The following NOP14 variants were observed in gnomAD, a reference collection of about 807,000 sequenced individuals.
The protein encoded by NOP14 is NOP14 nucleolar protein, also known as nucleolar protein 14.
A neutral mutation model predicts 101.6 loss-of-function variants in NOP14; 57 were observed. The ratio of observed to expected loss-of-function variants is 0.56; its 90% CI spans 0.45 to 0.70. The LOEUF (loss-of-function observed/expected upper bound fraction) is 0.70, where lower values mean the gene tolerates loss of function less well. Among genes scored for constraint, NOP14 ranks in the 30% least tolerant of loss-of-function variants. NOP14 has a pLI of 0.00. For synonymous variants in NOP14, 428 were observed against 424.0 expected (o/e 1.01, Z -0.12); for missense variants, 1,134 against 1,075.5 (o/e 1.05, Z -0.76).
intron 1 of NOP14, chr4:2,961,292 TATTAATATAGTTACTGATTTAAGAACTAC>T: frequency 6.7e-6 from 1 of 148,498 alleles, no homozygotes; most frequent in South Asian, 2.1e-4. Context: ...ATAGTAACTA[TATTAATATAGTTACTGATTTAAGAACTAC>T]ATTAATATAA....
chr4:2,942,199 G>C lies in NOP14; in HGVS notation c.2044C>G (p.His682Asp), dbSNP rs1330251515. The change falls in exon 14 of 18, where the codon CAC becomes GAC. Residue 682 changes from histidine to aspartate, a missense_variant. Transcript: ENST00000416614. ...LRAPTSTEAN[H>D]IRLSCLAVGL... ...CGGGGTCCCCTCACATACCGGATGT[G>C]ATTGGCCTCTGTCGAAGTTGGGGCC... The C allele has an allele frequency of 3.7e-6, 6 of 1,613,850 alleles. No homozygotes were observed. The African/African-American group carries it at 8.0e-5, about 22-fold the overall frequency.
rs1215326476 is a variant in NOP14 at position 2,945,858 on chromosome 4, C to T, written c.1635+554G>A. On this transcript the variant is annotated intron_variant, in intron 11 of 17. Transcript: ENST00000416614. ...CCAGAATCTCCCTGCACGACCCACACGTTAGTCCATGGCTAGTGGAGGAGT... is the reference window on the plus strand; with the variant it reads ...CCAGAATCTCCCTGCACGACCCACATGTTAGTCCATGGCTAGTGGAGGAGT... Among the ~76,000 whole-genome samples the T allele has an allele frequency of 3.3e-5, 5 of 152,340 alleles. No homozygotes were observed. The South Asian group carries it at 8.3e-4, about 25-fold the overall frequency.
chr4:2,951,210 C>G lies in NOP14; in HGVS notation c.906G>C (p.Glu302Asp). 6.2e-7 allele frequency: 1 copy of G among 1,613,798 alleles called. No homozygotes were observed. Among genetic ancestry groups the G allele is most frequent in the Non-Finnish European group, 8.5e-7 (1 of 1,179,762 alleles). Residue 302 changes from glutamate to aspartate, a missense_variant, in exon 7 of 18, where the codon GAG becomes GAC. Glu to Asp is a conservative substitution (Grantham distance 45, BLOSUM62 2). Transcript: ENST00000416614. The stretch of plus-strand genomic sequence containing the variant: ...GTTTTGGTTTCTTAACATTTTCATC[C>G]TCATCCTTTCCAAGCATTCTTCGAA... Reference protein sequence around the residue: ...ERLRRMLGKDEDENVKKPKHM... With the variant: ...ERLRRMLGKDDDENVKKPKHM...
In NOP14 at chr4:2,945,196, G is replaced by A; in HGVS notation, c.1669C>T (p.Pro557Ser). The A allele has an allele frequency of 6.3e-7, 1 of 1,584,512 alleles. No individual in the cohort carries two copies. The change falls in exon 12 of 18, where the codon CCA becomes TCA. Residue 557 changes from proline (P) to serine (S), a missense_variant. By Grantham distance (74) the Pro-to-Ser change is moderately conservative. Coordinates refer to ENST00000416614, the MANE Select transcript of NOP14 (RefSeq NM_001291978.2). ...ACTGGGTGCCAGAAGTCGGAAGTTG[G>A]AAATAGCAGCCCAGTGATTTTCAAA... is the stretch of plus-strand genomic sequence containing the variant. ...IYLKITGLLF[P>S]TSDFWHPVVT...
chr4:2,945,249 A>T lies in NOP14; in HGVS notation c.1636-20T>A, dbSNP rs1714536335. ...AATGAGCTGGAAAGAAAGTGTTACC[A>T]CAGGTTAAAGAAGGTAAATGAAGTC... On this transcript the variant is annotated intron_variant, in intron 11 of 17. Coordinates refer to ENST00000416614, the MANE Select transcript of NOP14 (RefSeq NM_001291978.2). 7 of 1,536,956 alleles carry T rather than the reference A, an allele frequency of 4.6e-6. No individual in the cohort carries two copies. The African/African-American group carries it at 8.2e-5, about 18-fold the overall frequency.
intron 1 of NOP14, chr4:2,961,266 G>A (rs1577858604): frequency 2.3e-5 from 2 of 85,958 alleles, no homozygotes; most frequent in East Asian, 2.3e-4. Flanking sequence ...TAATAATATA[G>A]TTAGTATATT....
chr4:2,957,781 T>A, intron 1 of NOP14, 41 bp from the exon 2 acceptor site: 1 of 1,605,452 alleles, frequency 6.2e-7, no homozygotes, highest in Non-Finnish European at 8.5e-7. Flanking sequence ...AAAATTCTTG[T>A]GATTTCCACT....
chr4:2,952,895 G>A (rs1349399061), intron 5 of NOP14, among the ~76,000 whole-genome samples: 1 of 152,222 alleles, frequency 6.6e-6, no homozygotes, highest in African/African-American at 2.4e-5. Flanking sequence ...GTGAGGTGGA[G>A]GTTGCACTAC....
rs549625299 is a variant in NOP14 at position 2,956,356 on chromosome 4, G to A, written c.472+314C>T. Among the ~76,000 whole-genome samples, 135 of 152,196 alleles carry A rather than the reference G, an allele frequency of 8.9e-4. 2 individuals carry two copies. Among genetic ancestry groups the A allele is most frequent in the African/African-American group, 3.1e-3 (127 of 41,512 alleles). On this transcript the variant is annotated intron_variant, in intron 3 of 17. Transcript: ENST00000416614. ...CCCACAGCTCTGACTCTGGCATCGG[G>A]CAAAACACCTTATTTCTCTGAGCTC...
chr4:2,938,743 A>G lies in NOP14; in HGVS notation c.*88T>C. The G allele has an allele frequency of 9.2e-7, 1 of 1,083,756 alleles. No individual in the cohort carries two copies. Among genetic ancestry groups the G allele is most frequent in the Non-Finnish European group, 1.4e-6 (1 of 724,664 alleles). 67.1% of individuals were successfully genotyped at this position (1,083,756 alleles called of 1,614,324 possible). A position where few individuals can be genotyped will look rare whatever the true frequency, so the allele number is the denominator to read the frequency against. The stretch of plus-strand genomic sequence containing the variant: ...GGCTGGTCTCGAACTCCTGGGCTGA[A>G]GCAATCTTCCTGCCTTGGCCTCCCA... On this transcript the variant is annotated 3_prime_UTR_variant, in exon 18 of 18. Coordinates refer to ENST00000416614, the MANE Select transcript of NOP14 (RefSeq NM_001291978.2).
Position 2,963,287 on chromosome 4 carries a change from C to T in NOP14, c.33G>A (p.Arg11=), listed in dbSNP as rs781297366. The stretch of plus-strand genomic sequence containing the variant: ...CTCCCGCCGGCGCCCCGGAGGCCTT[C>T]CTTCGCGCCCCGACCTTCTTCGCCT... MAKAKKVGAR[R]KASGAPAGAR... Residue 11 remains arginine (R), a synonymous_variant, in exon 1 of 18, where the codon AGG becomes AGA. Transcript: ENST00000416614. 1 of 1,595,984 alleles carries T rather than the reference C, an allele frequency of 6.3e-7. No homozygotes were observed. The highest frequency in any genetic ancestry group is 8.5e-7 in the Non-Finnish European group (1 of 1,173,622).
In NOP14 at chr4:2,939,314, C is replaced by A. The variant is rs780722267; in HGVS notation, c.2348G>T (p.Ser783Ile). ...VLEFGRKQGS[S>I]KEEQERKRLI... ...CCTCTTCCTTTCCTGTTCCTCCTTA[C>A]TACTGCCTTGTTTTCTTCCAAACTC... is the stretch of plus-strand genomic sequence containing the variant. Residue 783 changes from serine (S) to isoleucine (I), a missense_variant, in exon 17 of 18, where the codon AGT (serine) becomes ATT (isoleucine). Ser to Ile is a moderately radical substitution (Grantham distance 142). Coordinates refer to ENST00000416614, the MANE Select transcript of NOP14 (RefSeq NM_001291978.2). 6.2e-7 allele frequency: 1 copy of A among 1,614,052 alleles called. No homozygotes were observed.
In NOP14 at chr4:2,950,108, T is replaced by C. The variant is rs752964906; in HGVS notation, c.1108A>G (p.Thr370Ala). The change falls in exon 8 of 18, where the codon ACA becomes GCA. Residue 370 changes from threonine (T) to alanine (A), a missense_variant. Transcript: ENST00000416614. ...EEGDSSGGED[T>A]EESDSPDSHL... The stretch of plus-strand genomic sequence containing the variant: ...CTATCTGGGCTGTCGCTCTCCTCTG[T>C]GTCCTCCCCGCCTGAACTGTCACCT... 2 of 1,614,134 alleles carry C rather than the reference T, an allele frequency of 1.2e-6. No homozygotes were observed. Among genetic ancestry groups the C allele is most frequent in the Non-Finnish European group, 1.7e-6 (2 of 1,179,986 alleles).
intron 1 of NOP14, among the ~76,000 whole-genome samples, chr4:2,960,776 A>C (rs1285094079): frequency 2.8e-4 from 38 of 135,750 alleles, no homozygotes; most frequent in Non-Finnish European, 5.5e-4. Flanking sequence ...TTAATATATT[A>C]ATATTATAAT....
In NOP14 at chr4:2,947,289, C is replaced by T. The variant is rs924722997; in HGVS notation, c.1499+237G>A. On this transcript the variant is annotated intron_variant, in intron 10 of 17. Coordinates refer to ENST00000416614, the MANE Select transcript of NOP14 (RefSeq NM_001291978.2). Reference sequence around the variant, plus strand: ...TAAAGGGGTTCACTTGTTTCAAAATCAACTTGTTTGTGGTTAAAAGTCAGT... The same window carrying T: ...TAAAGGGGTTCACTTGTTTCAAAATTAACTTGTTTGTGGTTAAAAGTCAGT... The T allele has an allele frequency of 1.6e-5, 9 of 550,448 alleles. No individual in the cohort carries two copies. In the Middle Eastern group the frequency reaches 1.4e-3, roughly 85 times the overall value. The allele number at this position is 550,448 out of a possible 1,614,324, so 34.1% of individuals were successfully genotyped here.
At chr4:2,962,302 TGAGGGACTCCTATC>T (rs1301806249) in intron 1 of NOP14, among the ~76,000 whole-genome samples, 1 of 152,190 alleles carries the variant, frequency 6.6e-6, no homozygotes, top group Non-Finnish European at 1.5e-5. Context: ...GGGTGTGTAA[TGAGGGACTCCTATC>T]GAAGTCAGCT....
At position 2,961,168 on chromosome 4, in the gene NOP14, C is replaced by T. The variant is rs1207518983; in HGVS notation, c.195+1957G>A. ...ACTAATATAATAATATATTAATATG[C>T]TATTACAATAATATATTAATATGCT... On this transcript the variant is annotated intron_variant, in intron 1 of 17. Coordinates refer to ENST00000416614, the MANE Select transcript of NOP14 (RefSeq NM_001291978.2). Among the ~76,000 whole-genome samples, 19 of 2,262 alleles carry T rather than the reference C, an allele frequency of 8.4e-3. No homozygotes were observed. The East Asian group carries it at 0.13, about 15-fold the overall frequency. The allele number at this position is 2,262 out of a possible 152,430, so 1.5% of individuals were successfully genotyped here.
In NOP14 at chr4:2,953,516, G is replaced by A. The variant is rs1021901044; in HGVS notation, c.742C>T (p.Pro248Ser). Reference protein sequence around the residue: ...KSENRDKKEKPKPDAYDMMVR... With the variant: ...KSENRDKKEKSKPDAYDMMVR... Reference sequence around the variant, plus strand: ...TTTCAGTACTTGGCTCCCACCTTGGGTTTTTCCTTTTTGTCTCTGTTCTCT... The same window carrying A: ...TTTCAGTACTTGGCTCCCACCTTGGATTTTTCCTTTTTGTCTCTGTTCTCT... The change falls in exon 5 of 18, where the codon CCC (proline) becomes TCC (serine). Residue 248 changes from proline to serine, a missense_variant. Coordinates refer to ENST00000416614, the MANE Select transcript of NOP14 (RefSeq NM_001291978.2). The A allele has an allele frequency of 4.3e-6, 7 of 1,614,078 alleles. No homozygotes were observed. Among genetic ancestry groups the A allele is most frequent in the Non-Finnish European group, 5.9e-6 (7 of 1,180,006 alleles).
Position 2,954,404 on chromosome 4 carries a change from A to G in NOP14, c.612+20T>C. 1 of 1,612,722 alleles carries G rather than the reference A, an allele frequency of 6.2e-7. No homozygotes were observed. The highest frequency in any genetic ancestry group is 2.2e-5 in the East Asian group (1 of 44,868). On this transcript the variant is annotated intron_variant, in intron 4 of 17. Coordinates refer to ENST00000416614, the MANE Select transcript of NOP14 (RefSeq NM_001291978.2). ...CTGTCTTACCGTGGAGAAGATGATC[A>G]AGAACACTCACTAACCCACCTTCTC...
Sources: gnomAD v4.1 joint callset for allele counts (sites outside exome capture counted in the v4.1 genomes callset) on GRCh38, gnomAD v4.1.1 for gene constraint, MANE v1.5 for transcripts, NCBI Gene and HGNC (gene_info 2026-07-23, HGNC 2026-07-21) for gene names.